TPH2: variants seen among roughly 807,000 people sequenced by gnomAD.
The protein encoded by TPH2 is tryptophan hydroxylase 2.
A neutral mutation model predicts 59.1 loss-of-function variants in TPH2; 27 were observed. The observed-to-expected ratio is 0.46, with a 90% CI of 0.34 to 0.63. TPH2 has a LOEUF of 0.63. Among genes scored for constraint, TPH2 ranks in the 30% least tolerant of loss-of-function variants. The pLI, the probability that TPH2 is intolerant of heterozygous loss-of-function variation, is 0.01. For synonymous variants in TPH2, 220 were observed against 210.5 expected, an observed-to-expected ratio of 1.05 and a Z score of -0.39; for missense variants, 523 against 588.3, an observed-to-expected ratio of 0.89 and a Z score of 1.15.
intron 8 of TPH2, among the ~76,000 whole-genome samples, chr12:72,005,820 C>T (rs977829223): frequency 6.6e-6 from 1 of 152,112 alleles, no homozygotes; most frequent in African/African-American, 2.4e-5. Context: ...GAATTGTTTT[C>T]CACACATATT....
intron 6 of TPH2, among the ~76,000 whole-genome samples, chr12:71,976,340 G>A (rs557665964): frequency 1.3e-5 from 2 of 152,098 alleles, no homozygotes; most frequent in South Asian, 2.1e-4. Flanking sequence ...TTTGTATCAC[G>A]CACTGGCATG....
rs1179728585 is a variant in TPH2, at chr12:72,022,388, T to A, written c.1069-11T>A. The A allele has an allele frequency of 1.9e-6, 3 of 1,610,126 alleles. No homozygotes were observed. ...GACCAGTTCACTGAATATGTGTTCG[T>A]TTTTCTTCAGTGCTATTTCTTCACA... On this transcript the variant is annotated splice_polypyrimidine_tract_variant and intron_variant, in intron 8 of 10. Coordinates refer to ENST00000333850, the MANE Select transcript of TPH2 (RefSeq NM_173353.4).
chr12:71,977,165 C>T (rs1872144106), intron 6 of TPH2, among the ~76,000 whole-genome samples: 1 of 152,188 alleles, frequency 6.6e-6, no homozygotes, highest in Non-Finnish European at 1.5e-5. Flanking sequence ...GATTCTTGTG[C>T]CTCACCTGTA....
intron 7 of TPH2, among the ~76,000 whole-genome samples, chr12:71,990,843 A>G (rs1462313198): frequency 6.6e-6 from 1 of 152,230 alleles, no homozygotes. Flanking sequence ...AAGTGGGCAC[A>G]AGTTAGCAAA....
At chr12:71,973,008 T>G (rs1352191601) in intron 6 of TPH2, among the ~76,000 whole-genome samples, 6 of 152,220 alleles carry the variant, frequency 3.9e-5, no homozygotes, top group African/African-American at 1.4e-4. Flanking sequence ...CAGGAGCTGC[T>G]GTGCTGGGCT....
At chr12:71,949,012 G>T (rs1265113417) in intron 4 of TPH2, among the ~76,000 whole-genome samples, 2 of 152,284 alleles carry the variant, frequency 1.3e-5, no homozygotes, top group East Asian at 3.9e-4. Context: ...GAGTGAAATG[G>T]TGCCAGGCTT....
intron 5 of TPH2, among the ~76,000 whole-genome samples, chr12:71,951,168 G>A (rs1371948448): frequency 1.3e-5 from 2 of 151,920 alleles, no homozygotes; most frequent in East Asian, 1.9e-4. Context: ...TACCACCCCC[G>A]CTAGCCCCAT....
At chr12:71,993,880 A>G (rs762013796) in intron 7 of TPH2, among the ~76,000 whole-genome samples, 41 of 152,070 alleles carry the variant, frequency 2.7e-4, no homozygotes, top group Admixed American at 1.2e-3. Context: ...AGAAACAGCA[A>G]TTTTTTTCTG....
chr12:71,945,087 G>C (rs1422997371), intron 4 of TPH2, among the ~76,000 whole-genome samples: 1 of 152,108 alleles, frequency 6.6e-6, no homozygotes, highest in Non-Finnish European at 1.5e-5. Flanking sequence ...AATTCTTCCT[G>C]CTATTTTCCT....
intron 2 of TPH2, among the ~76,000 whole-genome samples, chr12:71,944,010 G>A (rs1871138521): frequency 6.6e-6 from 1 of 151,940 alleles, no homozygotes; most frequent in Non-Finnish European, 1.5e-5. Context: ...ACCACTCTGT[G>A]GGAAATGATG....
At chr12:71,957,773 A>C (rs1051963388) in intron 5 of TPH2, among the ~76,000 whole-genome samples, 1 of 152,202 alleles carries the variant, frequency 6.6e-6, no homozygotes, top group Non-Finnish European at 1.5e-5. Flanking sequence ...TCATGCACAT[A>C]GTTTGCTTCT....
At chr12:71,942,384 G>A (rs1173975477) in intron 2 of TPH2, among the ~76,000 whole-genome samples, 1 of 152,138 alleles carries the variant, frequency 6.6e-6, no homozygotes, top group Non-Finnish European at 1.5e-5. Flanking sequence ...TTGCCAGCAT[G>A]TACCTAATGG....
intron 6 of TPH2, among the ~76,000 whole-genome samples, chr12:71,978,179 C>T (rs1189903910): frequency 6.6e-6 from 1 of 151,522 alleles, no homozygotes; most frequent in Non-Finnish European, 1.5e-5. Flanking sequence ...TTAAGCAATG[C>T]ACGACTCTAT....
chr12:71,999,272 A>G (rs937110853), intron 8 of TPH2, among the ~76,000 whole-genome samples: 2 of 152,214 alleles, frequency 1.3e-5, no homozygotes, highest in African/African-American at 4.8e-5. Context: ...TAATGTGGGC[A>G]ATGGTTTCTA....
In TPH2 at chr12:71,963,763, C is replaced by T. The variant is rs1484765744; in HGVS notation, c.609-8756C>T. On this transcript the variant is annotated intron_variant, in intron 5 of 10. Transcript: ENST00000333850. Reference sequence around the variant, plus strand: ...GGCAGAAGTTGCAGTGAGCTGAGATCGTGCCACTGCACTCCAGCCTGGGTG... The same window carrying T: ...GGCAGAAGTTGCAGTGAGCTGAGATTGTGCCACTGCACTCCAGCCTGGGTG... Among the ~76,000 whole-genome samples the T allele has an allele frequency of 2.1e-4, 9 of 42,470 alleles. 4 individuals carry two copies. The highest frequency in any genetic ancestry group is 3.9e-4 in the Non-Finnish European group (7 of 17,912). The allele number at this position is 42,470 out of a possible 152,430, so 27.9% of individuals were successfully genotyped here. A position where few individuals can be genotyped will look rare whatever the true frequency, so the allele number is the denominator to read the frequency against.
intron 2 of TPH2, 97 bp from the exon 3 acceptor site, chr12:71,944,197 G>C: frequency 8.1e-7 from 1 of 1,241,504 alleles, no homozygotes; most frequent in Non-Finnish European, 1.2e-6. Context: ...CTCTTGTGTG[G>C]GTACTTGGCA....
intron 8 of TPH2, among the ~76,000 whole-genome samples, chr12:72,019,716 C>T (rs1873356995): frequency 6.6e-6 from 1 of 152,204 alleles, no homozygotes; most frequent in Non-Finnish European, 1.5e-5. Context: ...CATGGGATCA[C>T]AGGCTTTGTT....
chr12:72,016,357 G>A (rs1873254370), intron 8 of TPH2, among the ~76,000 whole-genome samples: 1 of 152,030 alleles, frequency 6.6e-6, no homozygotes, highest in Non-Finnish European at 1.5e-5. Flanking sequence ...AACTTTTTGG[G>A]TTGGGCTGCT....
At chr12:71,976,413 C>CT (rs1367988426) in intron 6 of TPH2, among the ~76,000 whole-genome samples, 1 of 152,040 alleles carries the variant, frequency 6.6e-6, no homozygotes, top group Non-Finnish European at 1.5e-5. Context: ...TTTAAAATAC[C>CT]TAATTTATTT....
Sources: allele counts gnomAD v4.1 joint callset (sites outside exome capture counted in the v4.1 genomes callset), GRCh38; gene constraint gnomAD v4.1.1; transcripts MANE v1.5; gene names NCBI Gene and HGNC (gene_info 2026-07-23, HGNC 2026-07-21).